KCNJ6: variants seen among roughly 807,000 people sequenced by gnomAD.
KCNJ6 encodes potassium inwardly rectifying channel subfamily J member 6, also known as G protein-activated inward rectifier potassium channel 2.
Under a neutral mutation model 34.2 loss-of-function variants are expected in KCNJ6, and 9 were observed. The observed-to-expected ratio is 0.26, with a 90% CI of 0.16 to 0.46. The LOEUF is 0.46. KCNJ6 is among the 20% of genes least tolerant of loss of function. The pLI, the probability that KCNJ6 is intolerant of heterozygous loss-of-function variation, is 1.00. For missense variants in KCNJ6, 236 were observed against 531.3 expected (o/e 0.44, Z 5.46); for synonymous variants, 196 against 207.1 (o/e 0.95, Z 0.46).
Position 37,610,525 on chromosome 21 carries a change from G to A in KCNJ6, c.*14634C>T, listed in dbSNP as rs9979022. 0.43 allele frequency: 63,980 copies of A among 148,342 alleles called. 13,892 individuals are homozygous for A. The highest frequency in any genetic ancestry group is 0.49 in the Admixed American group (7,350 of 14,856). The allele number at this position is 148,342 out of a possible 1,614,324, so 9.2% of individuals were successfully genotyped here. A position where few individuals can be genotyped will look rare whatever the true frequency, so the allele number is the denominator to read the frequency against. On this transcript the variant is annotated 3_prime_UTR_variant, in exon 4 of 4. Coordinates refer to ENST00000609713, the MANE Select transcript of KCNJ6 (RefSeq NM_002240.5). The stretch of plus-strand genomic sequence containing the variant: ...GAGGCAGGAGAATCGCTTGAACCCC[G>A]GAGGCAGAGGTTGCAGTGAGCCAAG...
intron 2 of KCNJ6, among the ~76,000 whole-genome samples, chr21:37,788,536 A>G (rs1194294624): frequency 6.6e-6 from 1 of 152,144 alleles, no homozygotes; most frequent in East Asian, 1.9e-4. Flanking sequence ...GGCTTTACAG[A>G]TGTGTTCAAT....
intron 2 of KCNJ6, among the ~76,000 whole-genome samples, chr21:37,818,685 A>G (rs1601486632): frequency 6.6e-6 from 1 of 152,286 alleles, no homozygotes; most frequent in East Asian, 1.9e-4. Context: ...ATCTTGTTAC[A>G]ATGATACTTT....
chr21:37,642,642 T>C (rs768932029), intron 3 of KCNJ6, among the ~76,000 whole-genome samples: 1 of 94,174 alleles, frequency 1.1e-5, no homozygotes, highest in Non-Finnish European at 2.1e-5. Context: ...GGATATGGGG[T>C]TGGGTGAGTT....
At position 37,697,559 on chromosome 21, in the gene KCNJ6, A is replaced by G. The variant is rs189005721; in HGVS notation, c.946+16652T>C. ...ATTATTCTGATCCAAGGTCCTGCCT[A>G]TCAGCTGGATAGGAATTAAGCCAAA... On this transcript the variant is annotated intron_variant, in intron 3 of 3. Transcript: ENST00000609713. 1.2e-3 allele frequency among the ~76,000 whole-genome samples: 182 copies of G among 152,282 alleles called. 1 individual carries two copies. Among genetic ancestry groups the G allele is most frequent in the Non-Finnish European group, 5.7e-4 (39 of 68,004 alleles).
At chr21:37,698,613 T>G (rs2054674769) in intron 3 of KCNJ6, among the ~76,000 whole-genome samples, 1 of 152,196 alleles carries the variant, frequency 6.6e-6, no homozygotes, top group East Asian at 1.9e-4. Context: ...CACTGCAGCC[T>G]TTCGACCTCC....
chr21:37,734,843 AATTGCT>A (rs2054904506), intron 2 of KCNJ6, among the ~76,000 whole-genome samples: 1 of 152,086 alleles, frequency 6.6e-6, no homozygotes, highest in Non-Finnish European at 1.5e-5. Context: ...TGATATATAT[AATTGCT>A]TAAATGTGCT....
intron 1 of KCNJ6, among the ~76,000 whole-genome samples, chr21:37,872,927 C>T (rs780076300): frequency 8.5e-5 from 13 of 152,138 alleles, no homozygotes; most frequent in Admixed American, 5.9e-4. Context: ...TCTCTCTTGC[C>T]GAACTGTGAA....
chr21:37,764,319 A>G (rs1280523228), intron 2 of KCNJ6, among the ~76,000 whole-genome samples: 1 of 152,022 alleles, frequency 6.6e-6, no homozygotes, highest in African/African-American at 2.4e-5. Flanking sequence ...TGACAGATGG[A>G]GGGGACAAAG....
At chr21:37,915,645 G>A (rs1008410823) in intron 1 of KCNJ6, among the ~76,000 whole-genome samples, 3 of 152,132 alleles carry the variant, frequency 2.0e-5, no homozygotes, top group Admixed American at 1.3e-4. Context: ...TCCTTCCCCC[G>A]CCCCCCGTGC....
At chr21:37,882,870 T>C (rs1478556646) in intron 1 of KCNJ6, among the ~76,000 whole-genome samples, 1 of 152,262 alleles carries the variant, frequency 6.6e-6, no homozygotes, top group African/African-American at 2.4e-5. Flanking sequence ...AGCAATATTA[T>C]TCCATAGTCA....
chr21:37,863,558 G>A (rs1199495034), intron 1 of KCNJ6, among the ~76,000 whole-genome samples: 1 of 152,176 alleles, frequency 6.6e-6, no homozygotes, highest in African/African-American at 2.4e-5. Flanking sequence ...TTTGCTTTAT[G>A]CACAGGGTGT....
At chr21:37,678,380 C>T (rs755064309) in intron 3 of KCNJ6, among the ~76,000 whole-genome samples, 32 of 152,256 alleles carry the variant, frequency 2.1e-4, no homozygotes, top group Admixed American at 5.9e-4. Flanking sequence ...ATGTTATGGT[C>T]GGTGCTGTTT....
Position 37,608,193 on chromosome 21 carries a change from A to G in KCNJ6, c.*16966T>C, listed in dbSNP as rs2054230881. ...AAATTAGCACCAGTTTTCCAAATGC[A>G]TATTTTATCAAATCCTATGATCCTA... On this transcript the variant is annotated 3_prime_UTR_variant, in exon 4 of 4. Coordinates refer to ENST00000609713, the MANE Select transcript of KCNJ6 (RefSeq NM_002240.5). 1 of 152,224 alleles carries G rather than the reference A, an allele frequency of 6.6e-6. No homozygotes were observed. Among genetic ancestry groups the G allele is most frequent in the Non-Finnish European group, 1.5e-5 (1 of 68,048 alleles). The allele number at this position is 152,224 out of a possible 1,614,324, so 9.4% of individuals were successfully genotyped here.
chr21:37,893,629 A>G (rs1333959116), intron 1 of KCNJ6, among the ~76,000 whole-genome samples: 5 of 148,048 alleles, frequency 3.4e-5, no homozygotes, highest in African/African-American at 1.2e-4. Flanking sequence ...CGGCTGGAGA[A>G]GCCTTTTTTT....
chr21:37,898,367 G>A (rs1221277972), intron 1 of KCNJ6, among the ~76,000 whole-genome samples: 2 of 152,134 alleles, frequency 1.3e-5, no homozygotes, highest in African/African-American at 2.4e-5. Flanking sequence ...GCTAGATCAC[G>A]AGGTCAGGAG....
intron 3 of KCNJ6, among the ~76,000 whole-genome samples, chr21:37,638,116 G>A (rs1186375157): frequency 6.6e-6 from 1 of 152,136 alleles, no homozygotes; most frequent in Non-Finnish European, 1.5e-5. Context: ...TTCTACATTT[G>A]AGGACAGAGA....
At chr21:37,787,754 G>C (rs1279602681) in intron 2 of KCNJ6, among the ~76,000 whole-genome samples, 1 of 152,160 alleles carries the variant, frequency 6.6e-6, no homozygotes, top group Non-Finnish European at 1.5e-5. Context: ...CTACAAAAAA[G>C]TCAGTATACA....
At chr21:37,701,843 G>A (rs565325687) in intron 3 of KCNJ6, among the ~76,000 whole-genome samples, 74 of 152,148 alleles carry the variant, frequency 4.9e-4, no homozygotes, top group Non-Finnish European at 9.3e-4. Flanking sequence ...GCCAGGCCAG[G>A]GGGATCTTAT....
intron 3 of KCNJ6, among the ~76,000 whole-genome samples, chr21:37,636,793 A>G (rs1177978424): frequency 2.6e-5 from 4 of 152,208 alleles, no homozygotes; most frequent in Non-Finnish European, 5.9e-5. Context: ...TTGTGTGCAG[A>G]ATACCAATAT....
Sources: gnomAD v4.1 joint callset for allele counts (sites outside exome capture counted in the v4.1 genomes callset) on GRCh38, gnomAD v4.1.1 for gene constraint, MANE v1.5 for transcripts, NCBI Gene and HGNC (gene_info 2026-07-23, HGNC 2026-07-21) for gene names.